Variants in NPIPB11 observed in about 807,000 individuals in gnomAD.
The protein encoded by NPIPB11 is nuclear pore complex-interacting protein family member B11.
In NPIPB11, 17 loss-of-function variants were observed where a neutral mutation model predicts 32.8. The ratio of observed to expected loss-of-function variants is 0.52; its 90% confidence interval spans 0.35 to 0.78. The LOEUF (loss-of-function observed/expected upper bound fraction) is 0.78. Among genes scored for constraint, NPIPB11 ranks in the 30% least tolerant of loss-of-function variants. The pLI is 0.01. For synonymous variants in NPIPB11, 209 were observed against 398.4 expected, an observed-to-expected ratio of 0.52 and a Z score of 5.66; for missense variants, 537 against 1,000.4, an observed-to-expected ratio of 0.54 and a Z score of 6.25.
At chr16:29,398,660 A>G (rs1388127711) in intron 2 of NPIPB11, among the ~76,000 whole-genome samples, 1 of 151,962 alleles carries the variant, frequency 6.6e-6, no homozygotes, top group East Asian at 1.9e-4. Context: ...CAATGATTAA[A>G]AGCTAATTCA....
At chr16:29,405,950 T>G (rs1195421737), upstream of NPIPB11, among the ~76,000 whole-genome samples, 2 of 152,278 alleles carry the variant, frequency 1.3e-5, no homozygotes, top group African/African-American at 4.8e-5. Context: ...TTAAAAGGGT[T>G]AAGGTTTTTA....
intron 2 of NPIPB11, among the ~76,000 whole-genome samples, chr16:29,396,032 T>A (rs1489713530): frequency 6.7e-6 from 1 of 148,170 alleles, no homozygotes; most frequent in African/African-American, 2.5e-5. Context: ...ATGAATAGTG[T>A]GGGATTTCTC....
chr16:29,393,342 G>A (rs1305192824), intron 3 of NPIPB11, among the ~76,000 whole-genome samples: 1 of 151,148 alleles, frequency 6.6e-6, no homozygotes, highest in Non-Finnish European at 1.5e-5. Context: ...CTTTGTCTCA[G>A]GCCAATTGTT....
chr16:29,400,980 G>A (rs1963975965), intron 2 of NPIPB11, among the ~76,000 whole-genome samples: 1 of 152,068 alleles, frequency 6.6e-6, no homozygotes, highest in Non-Finnish European at 1.5e-5. Flanking sequence ...CGCACCTGGG[G>A]CCTCATGGAG....
At chr16:29,390,754 G>A (rs1963699177) in intron 3 of NPIPB11, among the ~76,000 whole-genome samples, 2 of 151,346 alleles carry the variant, frequency 1.3e-5, no homozygotes, top group Non-Finnish European at 2.9e-5. Context: ...ACCTGAGGTC[G>A]GGAGTTTGAG....
chr16:29,383,777 C>T lies in NPIPB11; in HGVS notation c.1155G>A (p.Ala385=). ...CAGAAGGTGTCTTGAGATTATCATC[C>T]GCTGAGGGTGGAAGCGGCCCCCGCA... The change falls in exon 8 of 8, where the codon GCG becomes GCA. Residue 385 remains alanine, a synonymous_variant. Transcript: ENST00000524087. 3.0e-6 allele frequency: 3 copies of T among 984,410 alleles called. 1 individual carries two copies. Among genetic ancestry groups the T allele is most frequent in the South Asian group, 3.1e-5 (2 of 63,534 alleles). The allele number at this position is 984,410 out of a possible 1,614,324, so 61.0% of individuals were successfully genotyped here.
chr16:29,401,207 A>G (rs1162287765), intron 2 of NPIPB11, among the ~76,000 whole-genome samples: 1 of 152,172 alleles, frequency 6.6e-6, no homozygotes, highest in Non-Finnish European at 1.5e-5. Context: ...TGAAAGGAAC[A>G]GGAGACTTGC....
chr16:29,390,444 C>T, intron 3 of NPIPB11, 96 bp from the exon 4 acceptor site: 1 of 1,580,742 alleles, frequency 6.3e-7, no homozygotes, highest in African/African-American at 1.3e-5. Context: ...ATCACGGGGT[C>T]AGGAGCAAGA....
At chr16:29,396,931 C>T (rs1440916316) in intron 2 of NPIPB11, among the ~76,000 whole-genome samples, 27 of 151,542 alleles carry the variant, frequency 1.8e-4, no homozygotes, top group Admixed American at 3.3e-4. Flanking sequence ...AGGCGGATCA[C>T]GAGGTCAAGA....
At position 29,393,830 on chromosome 16, in the gene NPIPB11, C is replaced by G. The variant is rs1963780540; in HGVS notation, c.249+118G>C. The G allele has an allele frequency of 1.3e-5, 16 of 1,232,390 alleles. No homozygotes were observed. The East Asian group carries it at 3.6e-4, about 28-fold the overall frequency. 76.3% of individuals were successfully genotyped at this position (1,232,390 alleles called of 1,614,324 possible). ...ATTCTTATGCTAATAAATCATTTCCCTGATTTTTTGGGTAAAACCACATAT... is the reference window on the plus strand; with the variant it reads ...ATTCTTATGCTAATAAATCATTTCCGTGATTTTTTGGGTAAAACCACATAT... On this transcript the variant is annotated intron_variant, in intron 3 of 7. Coordinates refer to ENST00000524087, the Ensembl canonical transcript of NPIPB11.
At chr16:29,402,724 C>CTGTCTGTGTGTG (rs1964024637) in intron 2 of NPIPB11, among the ~76,000 whole-genome samples, 2 of 119,634 alleles carry the variant, frequency 1.7e-5, no homozygotes, top group Non-Finnish European at 3.4e-5. Flanking sequence ...CTCTCTCTCT[C>CTGTCTGTGTGTG]TGTGTGTGTG....
intron 3 of NPIPB11, 79 bp from the exon 4 acceptor site, chr16:29,390,427 C>A: frequency 1.3e-6 from 2 of 1,593,866 alleles, no homozygotes; most frequent in Admixed American, 1.7e-5. Flanking sequence ...GAAGCTGAGG[C>A]AGGTGGATCA....
chr16:29,401,512 T>C (rs1210854145), intron 2 of NPIPB11, among the ~76,000 whole-genome samples: 1 of 152,132 alleles, frequency 6.6e-6, no homozygotes. Context: ...AAATCTGCGG[T>C]GACTTAGTCC....
At chr16:29,402,452 C>G (rs1032599085) in intron 2 of NPIPB11, among the ~76,000 whole-genome samples, 1 of 109,472 alleles carries the variant, frequency 9.1e-6, no homozygotes, top group African/African-American at 4.5e-5. Context: ...CACCTATAGT[C>G]CCAGCACTTT....
chr16:29,393,835 T>C, intron 3 of NPIPB11, 113 bp downstream of exon 3: 1 of 1,226,536 alleles, frequency 8.2e-7, no homozygotes. Flanking sequence ...TTTCCCTGAT[T>C]TTTTGGGTAA....
In NPIPB11 at chr16:29,383,119, C is replaced by T. The variant is rs762519777; in HGVS notation, c.1813G>A (p.Val605Ile). The T allele has an allele frequency of 3.1e-5, 50 of 1,591,586 alleles. 1 individual carries two copies. The highest frequency in any genetic ancestry group is 1.1e-4 in the East Asian group (5 of 43,584). Residue 605 changes from valine (V) to isoleucine (I), a missense_variant, in exon 8 of 8, where the codon GTC (valine) becomes ATC (isoleucine). Transcript: ENST00000524087. ...TGAGGGTGGAAGGGGAGTGAGCTGA[C>T]GCTCGGAAGGTCTCTTGAGATTATC...
At chr16:29,397,392 G>A (rs1440136437) in intron 2 of NPIPB11, among the ~76,000 whole-genome samples, 2 of 151,208 alleles carry the variant, frequency 1.3e-5, no homozygotes, top group Non-Finnish European at 2.9e-5. Context: ...GGAATTTTTT[G>A]TAGAGATGGG....
chr16:29,393,015 T>C (rs1299343201), intron 3 of NPIPB11, among the ~76,000 whole-genome samples: 25 of 147,518 alleles, frequency 1.7e-4, no homozygotes, highest in African/African-American at 6.5e-4. Context: ...TTTACTGTCA[T>C]GAATGGCAAG....
At chr16:29,389,137 G>C (rs1372884084) in intron 5 of NPIPB11, among the ~76,000 whole-genome samples, 1 of 149,454 alleles carries the variant, frequency 6.7e-6, no homozygotes, top group East Asian at 2.0e-4. Context: ...GGAGGTTGCA[G>C]TGAGCCAAGA....
Sources: gnomAD v4.1 joint callset for allele counts (sites outside exome capture counted in the v4.1 genomes callset) on GRCh38, gnomAD v4.1.1 for gene constraint, MANE v1.5 for transcripts, NCBI Gene and HGNC (gene_info 2026-07-23, HGNC 2026-07-21) for gene names.